The following PDX1 variants were observed in gnomAD, a reference collection of about 807,000 sequenced individuals.
PDX1 encodes pancreas/duodenum homeobox protein 1.
Under a neutral mutation model 11.1 loss-of-function variants are expected in PDX1, and 7 were observed. The ratio of observed to expected loss-of-function variants is 0.63; its 90% CI spans 0.36 to 1.19. The LOEUF (loss-of-function observed/expected upper bound fraction) is 1.19. Ranked by LOEUF, PDX1 falls within the 50% of genes most tolerant of loss-of-function variation. PDX1 has a pLI of 0.02. For synonymous variants in PDX1, 232 were observed against 196.2 expected (o/e 1.18, Z -1.53); for missense variants, 449 against 412.1 (o/e 1.09, Z -0.78).
At position 27,924,608 on chromosome 13, in the gene PDX1, C is replaced by A. The variant is rs781657590; in HGVS notation, c.759C>A (p.Pro253=). The change falls in exon 2 of 2, where the codon CCC becomes CCA. Residue 253 remains proline (P), a synonymous_variant. Coordinates refer to ENST00000381033, the MANE Select transcript of PDX1 (RefSeq NM_000209.4). This position sits in a 1 kb window ranked among gnomAD's most constrained non-coding sequence, Gnocchi z 4.8. ...PPGGAVPPAA[P]VAAREGRLPP... ...GAGGTGCTGTGCCGCCCGCTGCCCCCGTTGCCGCCCGAGAGGGCCGCCTGC... is the reference window on the plus strand; with the variant it reads ...GAGGTGCTGTGCCGCCCGCTGCCCCAGTTGCCGCCCGAGAGGGCCGCCTGC... The A allele has an allele frequency of 6.8e-6, 10 of 1,466,668 alleles. No individual in the cohort carries two copies. Among genetic ancestry groups the A allele is most frequent in the Non-Finnish European group, 9.0e-6 (10 of 1,114,646 alleles). 90.9% of individuals were successfully genotyped at this position (1,466,668 alleles called of 1,614,324 possible).
In PDX1 at chr13:27,920,106, C is replaced by A; in HGVS notation, c.-33C>A. On this transcript the variant is annotated 5_prime_UTR_variant, in exon 1 of 2. Transcript: ENST00000381033. ...GCTCCCGACTCCCGGCTCCCGGCTCCCGGCTCCCGGTGCCCAATCCCGGGC... is the reference window on the plus strand; with the variant it reads ...GCTCCCGACTCCCGGCTCCCGGCTCACGGCTCCCGGTGCCCAATCCCGGGC... The A allele has an allele frequency of 6.5e-7, 1 of 1,548,902 alleles. No homozygotes were observed. Among genetic ancestry groups the A allele is most frequent in the East Asian group, 2.4e-5 (1 of 40,892 alleles).
At chr13:27,922,814 G>A (rs186335318) in intron 1 of PDX1, among the ~76,000 whole-genome samples, 47 of 152,276 alleles carry the variant, frequency 3.1e-4, no homozygotes, top group African/African-American at 1.1e-3. Context: ...GAGACATGTC[G>A]GTTTAATGTA....
intron 1 of PDX1, among the ~76,000 whole-genome samples, chr13:27,920,909 T>C (rs909781551): frequency 1.9e-4 from 29 of 152,304 alleles, no homozygotes; most frequent in African/African-American, 3.4e-4. Flanking sequence ...CCAGGACTCC[T>C]TGGTAGTGCA....
Position 27,920,119 on chromosome 13 carries a change from C to G in PDX1, c.-20C>G, listed in dbSNP as rs1347300001. 6 of 1,549,382 alleles carry G rather than the reference C, an allele frequency of 3.9e-6. No homozygotes were observed. In the East Asian group the frequency reaches 1.5e-4, roughly 38 times the overall value. ...GGCTCCCGGCTCCCGGCTCCCGGTG[C>G]CCAATCCCGGGCCGCAGCCATGAAC... On this transcript the variant is annotated 5_prime_UTR_variant, in exon 1 of 2. Transcript: ENST00000381033.
At position 27,920,257 on chromosome 13, in the gene PDX1, G is replaced by T. The variant is rs1055206497; in HGVS notation, c.119G>T (p.Arg40Leu). 1 of 1,542,216 alleles carries T rather than the reference G, an allele frequency of 6.5e-7. No homozygotes were observed. Among genetic ancestry groups the T allele is most frequent in the African/African-American group, 1.4e-5 (1 of 71,968 alleles). The change falls in exon 1 of 2, where the codon CGC (arginine) becomes CTC (leucine). Residue 40 changes from arginine (R) to leucine (L), a missense_variant. Physicochemically the swap from Arg to Leu is moderately radical, Grantham distance 102. Transcript: ENST00000381033. ...CCCCCTGCGTGCCTGTACATGGGCC[G>T]CCAGCCCCCGCCGCCGCCGCCGCAC... is the stretch of plus-strand genomic sequence containing the variant. The part of the protein sequence containing the change: ...ASPPACLYMG[R>L]QPPPPPPHPF...
intron 1 of PDX1, among the ~76,000 whole-genome samples, chr13:27,923,032 A>AAC (rs1361309926): frequency 6.6e-6 from 1 of 151,974 alleles, no homozygotes; most frequent in Admixed American, 6.5e-5. Flanking sequence ...ACCCGCCCCC[A>AAC]ACACACACAC....
At position 27,925,143 on chromosome 13, in the gene PDX1, C is replaced by G; in HGVS notation, c.*442C>G. 4.5e-6 allele frequency: 1 copy of G among 223,642 alleles called. No individual in the cohort carries two copies. The highest frequency in any genetic ancestry group is 8.1e-5 in the South Asian group (1 of 12,338). The allele number at this position is 223,642 out of a possible 1,614,324, so 13.9% of individuals were successfully genotyped here. ...CGAGTACCTTAATCTGCCATAAAGC[C>G]ATTCTTACTCGGGCGACCCCTTTAA... On this transcript the variant is annotated 3_prime_UTR_variant, in exon 2 of 2. Coordinates refer to ENST00000381033, the MANE Select transcript of PDX1 (RefSeq NM_000209.4).
chr13:27,924,701 A>G lies in PDX1; in HGVS notation c.852A>G (p.Ter284TrpextTer8). The G allele has an allele frequency of 6.8e-7, 1 of 1,471,930 alleles. No homozygotes were observed. Among genetic ancestry groups the G allele is most frequent in the South Asian group, 1.3e-5 (1 of 75,826 alleles). 91.2% of individuals were successfully genotyped at this position (1,471,930 alleles called of 1,614,324 possible). The change falls in exon 2 of 2, where the codon TGA becomes TGG. Residue 284 changes from the stop codon to tryptophan, a stop_lost. Coordinates refer to ENST00000381033, the MANE Select transcript of PDX1 (RefSeq NM_000209.4). The surrounding 1 kb of genome is among the most constrained non-coding windows in gnomAD (Gnocchi z 4.8). ...VAPRRPQEPR[*>W] Reference sequence around the variant, plus strand: ...CTCGGCGGCCGCAGGAACCACGATGAGAGGCAGGAGCTGCTCCTGGCTGAG... The same window carrying G: ...CTCGGCGGCCGCAGGAACCACGATGGGAGGCAGGAGCTGCTCCTGGCTGAG...
rs1957794501 is a variant in PDX1 at position 27,922,398 on chromosome 13, C to A, written c.406+1854C>A. Among the ~76,000 whole-genome samples the A allele has an allele frequency of 1.3e-5, 2 of 152,344 alleles. 1 individual carries two copies. The highest frequency in any genetic ancestry group is 6.8e-3 in the Middle Eastern group (2 of 294). The stretch of plus-strand genomic sequence containing the variant: ...AGCCGTCTGCGGGGCCGGCTGCTAT[C>A]CCCGCGTTCCTCTAGGGGAAACTTC... On this transcript the variant is annotated intron_variant, in intron 1 of 1. Coordinates refer to ENST00000381033, the MANE Select transcript of PDX1 (RefSeq NM_000209.4).
At chr13:27,921,962 G>C (rs759241340) in intron 1 of PDX1, among the ~76,000 whole-genome samples, 3 of 152,152 alleles carry the variant, frequency 2.0e-5, no homozygotes, top group African/African-American at 7.2e-5. Flanking sequence ...ACAGTCCCTC[G>C]AACAAAGGTG....
rs555696245 is a variant in PDX1 at position 27,926,099 on chromosome 13, C to G, written c.*1398C>G. 1 of 152,168 alleles carries G rather than the reference C, an allele frequency of 6.6e-6. No individual in the cohort carries two copies. Among genetic ancestry groups the G allele is most frequent in the Non-Finnish European group, 1.5e-5 (1 of 68,040 alleles). The allele number at this position is 152,168 out of a possible 1,614,324, so 9.4% of individuals were successfully genotyped here. A position where few individuals can be genotyped will look rare whatever the true frequency, so the allele number is the denominator to read the frequency against. ...ATCTTATTTAACATTTTAAAAATTA[C>G]CTAACAGTTATTTACAAACAGGTCT... On this transcript the variant is annotated 3_prime_UTR_variant, in exon 2 of 2. Transcript: ENST00000381033.
At position 27,920,498 on chromosome 13, in the gene PDX1, A is replaced by G. The variant is rs890309056; in HGVS notation, c.360A>G (p.Pro120=). 3 of 1,612,476 alleles carry G rather than the reference A, an allele frequency of 1.9e-6. No homozygotes were observed. Among genetic ancestry groups the G allele is most frequent in the Non-Finnish European group, 2.5e-6 (3 of 1,179,830 alleles). The stretch of plus-strand genomic sequence containing the variant: ...CCAACCGCGTCCAGCTGCCTTTCCC[A>G]TGGATGAAGTCTACCAAAGCTCACG... ...EEPNRVQLPF[P]WMKSTKAHAW... Residue 120 remains proline, a synonymous_variant, in exon 1 of 2, where the codon CCA becomes CCG. Coordinates refer to ENST00000381033, the MANE Select transcript of PDX1 (RefSeq NM_000209.4).
rs1156244881 is a variant in PDX1, at chr13:27,925,978, G to A, written c.*1277G>A. 1 of 152,204 alleles carries A rather than the reference G, an allele frequency of 6.6e-6. No homozygotes were observed. Among genetic ancestry groups the A allele is most frequent in the Non-Finnish European group, 1.5e-5 (1 of 68,044 alleles). 9.4% of individuals were successfully genotyped at this position (152,204 alleles called of 1,614,324 possible). On this transcript the variant is annotated 3_prime_UTR_variant, in exon 2 of 2. Transcript: ENST00000381033. ...GAAGACAAGCACAGTGGCCTGGTGCGCCTTGGAAACCAACAACTATTCACG... is the reference window on the plus strand; with the variant it reads ...GAAGACAAGCACAGTGGCCTGGTGCACCTTGGAAACCAACAACTATTCACG...
chr13:27,924,293 G>C lies in PDX1; in HGVS notation c.444G>C (p.Arg148=). ...CTGCGGAGCCGGAGGAGAACAAGCG[G>C]ACGCGCACGGCCTACACGCGCGCAC... ...AYAAEPEENK[R]TRTAYTRAQL... The change falls in exon 2 of 2, where the codon CGG becomes CGC. Residue 148 remains arginine (R), a synonymous_variant. Transcript: ENST00000381033. The surrounding 1 kb of genome is among the most constrained non-coding windows in gnomAD (Gnocchi z 4.8). 1 of 1,609,844 alleles carries C rather than the reference G, an allele frequency of 6.2e-7. No homozygotes were observed. The highest frequency in any genetic ancestry group is 1.1e-5 in the South Asian group (1 of 90,914).
In PDX1 at chr13:27,925,825, G is replaced by A. The variant is rs7981781; in HGVS notation, c.*1124G>A. 0.22 allele frequency: 33,004 copies of A among 153,110 alleles called. 4,049 individuals are homozygous for A. Among genetic ancestry groups the A allele is most frequent in the East Asian group, 0.45 (2,299 of 5,156 alleles). The allele number at this position is 153,110 out of a possible 1,614,324, so 9.5% of individuals were successfully genotyped here. A position where few individuals can be genotyped will look rare whatever the true frequency, so the allele number is the denominator to read the frequency against. Reference sequence around the variant, plus strand: ...CCACACTGCTGGCAGGGAAGGCAAGGGGGGACGGGCCTGGATCTGGGGGTG... The same window carrying A: ...CCACACTGCTGGCAGGGAAGGCAAGAGGGGACGGGCCTGGATCTGGGGGTG... On this transcript the variant is annotated 3_prime_UTR_variant, in exon 2 of 2. Transcript: ENST00000381033.
intron 1 of PDX1, among the ~76,000 whole-genome samples, chr13:27,921,534 G>A (rs995001840): frequency 9.8e-5 from 15 of 152,332 alleles, no homozygotes; most frequent in African/African-American, 3.6e-4. Flanking sequence ...CACCTGCACC[G>A]CAAATAGTTG....
At position 27,925,604 on chromosome 13, in the gene PDX1, A is replaced by G. The variant is rs9554205; in HGVS notation, c.*903A>G. Reference sequence around the variant, plus strand: ...CTCTTCCTCCTCCTCTTTCTTCCTGACCTCTTTCTTTCTCCTCCTCCTCCT... The same window carrying G: ...CTCTTCCTCCTCCTCTTTCTTCCTGGCCTCTTTCTTTCTCCTCCTCCTCCT... On this transcript the variant is annotated 3_prime_UTR_variant, in exon 2 of 2. Transcript: ENST00000381033. 3.2e-5 allele frequency: 5 copies of G among 158,506 alleles called. 1 individual carries two copies. In the South Asian group the frequency reaches 6.0e-4, roughly 19 times the overall value. The allele number at this position is 158,506 out of a possible 1,614,324, so 9.8% of individuals were successfully genotyped here. A position where few individuals can be genotyped will look rare whatever the true frequency, so the allele number is the denominator to read the frequency against.
rs987911104 is a variant in PDX1 at position 27,920,381 on chromosome 13, C to T, written c.243C>T (p.His81=). Residue 81 remains histidine (H), a synonymous_variant, in exon 1 of 2, where the codon CAC becomes CAT. Coordinates refer to ENST00000381033, the MANE Select transcript of PDX1 (RefSeq NM_000209.4). ...PPLADDPAVA[H]LHHHLPAQLA... The stretch of plus-strand genomic sequence containing the variant: ...TCGCCGACGACCCCGCGGTGGCGCA[C>T]CTTCACCACCACCTCCCGGCTCAGC... 2.6e-6 allele frequency: 4 copies of T among 1,548,220 alleles called. No individual in the cohort carries two copies. The highest frequency in any genetic ancestry group is 3.5e-6 in the Non-Finnish European group (4 of 1,146,222).
Position 27,920,382 on chromosome 13 carries a change from C to T in PDX1, c.244C>T (p.Leu82Phe), listed in dbSNP as rs1368170074. 2 of 1,548,538 alleles carry T rather than the reference C, an allele frequency of 1.3e-6. No individual in the cohort carries two copies. The highest frequency in any genetic ancestry group is 1.7e-6 in the Non-Finnish European group (2 of 1,146,416). The change falls in exon 1 of 2, where the codon CTT becomes TTT. Residue 82 changes from leucine to phenylalanine, a missense_variant. Physicochemically the swap from Leu to Phe is conservative, Grantham distance 22. Coordinates refer to ENST00000381033, the MANE Select transcript of PDX1 (RefSeq NM_000209.4). ...PLADDPAVAH[L>F]HHHLPAQLAL... ...CGCCGACGACCCCGCGGTGGCGCAC[C>T]TTCACCACCACCTCCCGGCTCAGCT... is the stretch of plus-strand genomic sequence containing the variant.
Sources: gnomAD v4.1 joint callset for allele counts (sites outside exome capture counted in the v4.1 genomes callset) on GRCh38, gnomAD v4.1.1 for gene constraint, Gnocchi (gnomAD v3.1) non-coding constraint, MANE v1.5 for transcripts, NCBI Gene and HGNC (gene_info 2026-07-23, HGNC 2026-07-21) for gene names.